Variants in GSE1 observed in about 807,000 individuals in gnomAD.
GSE1 encodes Gse1 coiled-coil protein, also known as genetic suppressor element 1.
GSE1 carries 32 observed loss-of-function variants against 112.6 expected under a neutral mutation model. That is an observed-to-expected ratio of 0.28 (90% CI 0.21 to 0.38). The LOEUF is 0.38. Ranked by LOEUF, GSE1 falls within the 10% of genes least tolerant of loss-of-function variation. GSE1 has a pLI of 1.00. For synonymous variants in GSE1, 1,115 were observed against 735.6 expected, an observed-to-expected ratio of 1.52 and a Z score of -8.35; for missense variants, 2,348 against 1,699.2, an observed-to-expected ratio of 1.38 and a Z score of -6.71.
At chr16:85,485,296 G>A (rs142847536) in intron 2 of GSE1, among the ~76,000 whole-genome samples, 16 of 152,340 alleles carry the variant, frequency 1.1e-4, no homozygotes, top group Non-Finnish European at 1.6e-4. Flanking sequence ...GCGTTGGTCC[G>A]GAGAGGGAGA....
chr16:85,666,147 G>T lies in GSE1; in HGVS notation c.2930G>T (p.Ser977Ile). ...APASGEKARL[S>I]EAPGGKKSLS... ...GCCAGCGGGGAGAAGGCCAGGCTGA[G>T]CGAGGCCCCTGGAGGCAAAAAGAGT... Residue 977 changes from serine to isoleucine, a missense_variant, in exon 13 of 16, where the codon AGC becomes ATC. Physicochemically the swap from Ser to Ile is moderately radical, Grantham distance 142 (BLOSUM62 -2). Transcript: ENST00000253458. 6.2e-7 allele frequency: 1 copy of T among 1,613,398 alleles called. No homozygotes were observed. The highest frequency in any genetic ancestry group is 8.5e-7 in the Non-Finnish European group (1 of 1,180,006).
At chr16:85,644,389 G>A (rs974683869) in intron 2 of GSE1, among the ~76,000 whole-genome samples, 9 of 151,710 alleles carry the variant, frequency 5.9e-5, no homozygotes, top group African/African-American at 1.7e-4. Context: ...TGTTGACAGC[G>A]GCCACAAGGT....
chr16:85,374,537 TGTGTGTGC>T (rs1157597440), intron 2 of GSE1, among the ~76,000 whole-genome samples: 2 of 20,990 alleles, frequency 9.5e-5, no homozygotes, highest in South Asian at 6.1e-3. Context: ...TGTGTGTGTG[TGTGTGTGC>T]GCGCGCGCGT....
intron 2 of GSE1, among the ~76,000 whole-genome samples, chr16:85,376,129 C>A (rs542886049): frequency 7.9e-5 from 12 of 152,294 alleles, no homozygotes; most frequent in Admixed American, 2.6e-4. Context: ...GTACAGACTC[C>A]AGGCTTCTCT....
intron 2 of GSE1, among the ~76,000 whole-genome samples, chr16:85,549,178 C>CTT (rs113990659): frequency 4.8e-5 from 7 of 145,318 alleles, no homozygotes; most frequent in South Asian, 4.4e-4. Context: ...TTTTTCTCTT[C>CTT]TTTTTTTTTT....
intron 2 of GSE1, among the ~76,000 whole-genome samples, chr16:85,644,672 C>T (rs868301862): frequency 1.1e-4 from 16 of 152,134 alleles, no homozygotes; most frequent in East Asian, 3.9e-4. Flanking sequence ...AGTGGTTGCT[C>T]ATGGGTAGGG....
chr16:85,626,073 G>A (rs916241587), intron 1 of GSE1, among the ~76,000 whole-genome samples: 2 of 152,146 alleles, frequency 1.3e-5, no homozygotes, highest in African/African-American at 2.4e-5. Flanking sequence ...GGTTTCTGGG[G>A]CATAGACCTT....
At chr16:85,643,906 G>T (rs943550922) in intron 2 of GSE1, among the ~76,000 whole-genome samples, 1 of 152,076 alleles carries the variant, frequency 6.6e-6, no homozygotes, top group Admixed American at 6.5e-5. Context: ...GCGGCTCTCG[G>T]TGTGTTGGTT....
intron 1 of GSE1, among the ~76,000 whole-genome samples, chr16:85,204,903 A>G (rs760382551): frequency 7.2e-5 from 11 of 152,212 alleles, no homozygotes; most frequent in Admixed American, 6.5e-4. Flanking sequence ...GGGACAGACC[A>G]CAAGCTCAGA....
intron 1 of GSE1, among the ~76,000 whole-genome samples, chr16:85,590,350 C>T (rs936329920): frequency 7.2e-6 from 1 of 138,856 alleles, no homozygotes; most frequent in Non-Finnish European, 1.5e-5. Context: ...AACGCGTGGG[C>T]CTGCTTGTGA....
chr16:85,415,305 T>C (rs1484912784), intron 2 of GSE1, among the ~76,000 whole-genome samples: 4 of 152,224 alleles, frequency 2.6e-5, no homozygotes, highest in African/African-American at 7.2e-5. Flanking sequence ...GGAGGGAGTG[T>C]GTCCTCTTCA....
In GSE1 at chr16:85,673,982, A is replaced by AG. The variant is rs796577862; in HGVS notation, c.*1444dup. On this transcript the variant is annotated 3_prime_UTR_variant, in exon 16 of 16. Coordinates refer to ENST00000253458, the MANE Select transcript of GSE1 (RefSeq NM_014615.5). The stretch of plus-strand genomic sequence containing the variant: ...TACTGTGACAAGCACAGGAACGGTC[A>AG]GAAACTGGGCTCATCACACCAAGGC... 1.1e-4 allele frequency: 17 copies of AG among 152,418 alleles called. No individual in the cohort carries two copies. The highest frequency in any genetic ancestry group is 4.1e-4 in the African/African-American group (17 of 41,594). 9.4% of individuals were successfully genotyped at this position (152,418 alleles called of 1,614,324 possible).
At chr16:85,203,519 C>T (rs562284440) in intron 1 of GSE1, among the ~76,000 whole-genome samples, 2 of 152,168 alleles carry the variant, frequency 1.3e-5, no homozygotes, top group African/African-American at 4.8e-5. Flanking sequence ...AGCCAGCAGG[C>T]CCTTGGTGCA....
intron 1 of GSE1, among the ~76,000 whole-genome samples, chr16:85,228,887 T>C (rs980017158): frequency 6.6e-6 from 1 of 152,202 alleles, no homozygotes; most frequent in East Asian, 1.9e-4. Flanking sequence ...GCCTTTGGTC[T>C]TCCATGGAGA....
At chr16:85,428,015 A>G (rs1597725293) in intron 2 of GSE1, among the ~76,000 whole-genome samples, 1 of 152,208 alleles carries the variant, frequency 6.6e-6, no homozygotes, top group African/African-American at 2.4e-5. Flanking sequence ...CCACATTTCA[A>G]GTGCTCCATG....
intron 1 of GSE1, among the ~76,000 whole-genome samples, chr16:85,321,050 C>T (rs866347479): frequency 3.3e-5 from 5 of 152,326 alleles, no homozygotes; most frequent in South Asian, 4.1e-4. Flanking sequence ...ATTTAGGTCG[C>T]CTTAGTTTCC....
intron 1 of GSE1, among the ~76,000 whole-genome samples, chr16:85,293,507 C>T (rs980997735): frequency 1.3e-5 from 2 of 152,156 alleles, no homozygotes; most frequent in Non-Finnish European, 2.9e-5. Flanking sequence ...GATTGAGCCC[C>T]TGCATTCCAG....
intron 2 of GSE1, among the ~76,000 whole-genome samples, chr16:85,370,846 CG>C (rs1287698914): frequency 1.3e-5 from 2 of 152,236 alleles, no homozygotes; most frequent in Non-Finnish European, 2.9e-5. Context: ...CTGCTGCCCA[CG>C]GAGTTGACAG....
chr16:85,251,742 C>T (rs975630565), intron 1 of GSE1, among the ~76,000 whole-genome samples: 1 of 152,238 alleles, frequency 6.6e-6, no homozygotes, highest in African/African-American at 2.4e-5. Flanking sequence ...GGCTCTTCCT[C>T]TTTCCCAGGT....
Sources: allele counts gnomAD v4.1 joint callset (sites outside exome capture counted in the v4.1 genomes callset), GRCh38; gene constraint gnomAD v4.1.1; transcripts MANE v1.5; gene names NCBI Gene and HGNC (gene_info 2026-07-23, HGNC 2026-07-21).